ESRRG: variants seen among roughly 807,000 people sequenced by gnomAD.
The protein encoded by ESRRG is estrogen-related receptor gamma.
ESRRG carries 13 observed loss-of-function variants against 44.0 expected under a neutral mutation model. That is an observed-to-expected ratio of 0.30 (90% confidence interval 0.19 to 0.47). The LOEUF (loss-of-function observed/expected upper bound fraction) is 0.47. Among genes scored for constraint, ESRRG ranks in the 20% least tolerant of loss-of-function variants. The probability of loss-of-function intolerance (pLI) is 1.00; values close to 1 mark genes in which losing one functional copy is unlikely to be tolerated. For missense variants in ESRRG, 395 were observed against 580.6 expected (o/e 0.68, Z 3.29); for synonymous variants, 215 against 214.6 (o/e 1.00, Z -0.02).
chr1:216,513,472 G>A (rs745568990), intron 6 of ESRRG, among the ~76,000 whole-genome samples: 7 of 152,044 alleles, frequency 4.6e-5, no homozygotes, highest in Non-Finnish European at 8.8e-5. Flanking sequence ...TTCCATGTCA[G>A]AGCTCTCCAT....
intron 1 of ESRRG, among the ~76,000 whole-genome samples, chr1:216,975,707 T>C (rs896272359): frequency 5.3e-5 from 8 of 152,204 alleles, no homozygotes; most frequent in Non-Finnish European, 1.0e-4. Flanking sequence ...ATAGGTAGTC[T>C]GGGATCTAAT....
At chr1:216,630,301 G>A (rs989764305) in intron 3 of ESRRG, among the ~76,000 whole-genome samples, 1 of 152,120 alleles carries the variant, frequency 6.6e-6, no homozygotes, top group Non-Finnish European at 1.5e-5. Context: ...CTATCAGCCT[G>A]AATTATTTTT....
At chr1:216,795,774 TG>T (rs2094456385) in intron 2 of ESRRG, among the ~76,000 whole-genome samples, 1 of 152,178 alleles carries the variant, frequency 6.6e-6, no homozygotes, top group Admixed American at 6.6e-5. Context: ...AGGAATCATC[TG>T]TAAAACAAGG....
intron 2 of ESRRG, among the ~76,000 whole-genome samples, chr1:216,911,568 G>T (rs975861208): frequency 6.6e-6 from 1 of 152,170 alleles, no homozygotes; most frequent in Admixed American, 6.5e-5. Context: ...GACACCCAGA[G>T]AGAATGCTAT....
Position 216,516,636 on chromosome 1 carries a change from T to TACACACACACACACACACACACACAC in ESRRG, c.1132+2490_1132+2515dup, listed in dbSNP as rs779496209. Among the ~76,000 whole-genome samples, 111 of 130,426 alleles carry TACACACACACACACACACACACACAC rather than the reference T, an allele frequency of 8.5e-4. 1 individual carries two copies. Among genetic ancestry groups the TACACACACACACACACACACACACAC allele is most frequent in the East Asian group, 2.6e-3 (11 of 4,212 alleles). The allele number at this position is 130,426 out of a possible 152,430, so 85.6% of individuals were successfully genotyped here. ...TCTGGAATTCCTAAACACACACACA[T>TACACACACACACACACACACACACAC]ACACACACACACACACACACACACA... On this transcript the variant is annotated intron_variant, in intron 6 of 6. Transcript: ENST00000408911.
chr1:216,868,339 C>T (rs187823441), intron 2 of ESRRG, among the ~76,000 whole-genome samples: 88 of 152,152 alleles, frequency 5.8e-4, no homozygotes, highest in Admixed American at 4.4e-3. Context: ...CCACCCACCT[C>T]GGCCTCCCAA....
chr1:216,813,981 A>G (rs2095055678), intron 2 of ESRRG, among the ~76,000 whole-genome samples: 1 of 152,148 alleles, frequency 6.6e-6, no homozygotes, highest in South Asian at 2.1e-4. Context: ...CTAATTTGTC[A>G]TTTATTTTCC....
At chr1:216,702,232 T>C (rs2081504151) in intron 1 of ESRRG, among the ~76,000 whole-genome samples, 1 of 152,162 alleles carries the variant, frequency 6.6e-6, no homozygotes, top group Non-Finnish European at 1.5e-5. Context: ...ATGAAAACGC[T>C]GATCAAATAA....
intron 2 of ESRRG, among the ~76,000 whole-genome samples, chr1:216,731,759 G>A (rs1449592443): frequency 6.6e-6 from 1 of 152,196 alleles, no homozygotes. Context: ...CATGAGGCCT[G>A]TACTCAGGAC....
intron 2 of ESRRG, among the ~76,000 whole-genome samples, chr1:216,753,007 T>C (rs1371846192): frequency 6.6e-6 from 1 of 152,010 alleles, no homozygotes; most frequent in Admixed American, 6.6e-5. Context: ...AAAAGAAAGG[T>C]AGATGCAGAA....
chr1:217,094,873 C>T (rs1218193110), intron 1 of ESRRG, among the ~76,000 whole-genome samples: 1 of 152,222 alleles, frequency 6.6e-6, no homozygotes, highest in Non-Finnish European at 1.5e-5. Context: ...AGACCAAATT[C>T]ATTCAAACAT....
intron 2 of ESRRG, among the ~76,000 whole-genome samples, chr1:216,830,031 ACACACACACATG>A (rs942741564): frequency 2.0e-5 from 3 of 151,992 alleles, no homozygotes; most frequent in African/African-American, 7.2e-5. Flanking sequence ...GACAGCACAG[ACACACACACATG>A]CACACACACA....
intron 1 of ESRRG, among the ~76,000 whole-genome samples, chr1:217,056,627 C>T (rs1030394446): frequency 6.6e-6 from 1 of 151,402 alleles, no homozygotes; most frequent in Non-Finnish European, 1.5e-5. Context: ...ACACAATTTA[C>T]AATACTATGA....
At chr1:217,078,215 A>T (rs2151497935) in intron 1 of ESRRG, 1 of 152,326 alleles carries the variant, frequency 6.6e-6, no homozygotes, top group South Asian at 2.1e-4. Flanking sequence ...TGCAGCAGGG[A>T]GCCTGGCTCG....
chr1:216,669,723 T>C (rs970902183), intron 2 of ESRRG, among the ~76,000 whole-genome samples: 2 of 152,068 alleles, frequency 1.3e-5, no homozygotes, highest in South Asian at 2.1e-4. Context: ...CTGTCTCTAC[T>C]AAAAATACAA....
At chr1:216,530,337 C>T (rs1159375907) in intron 5 of ESRRG, among the ~76,000 whole-genome samples, 1 of 134,402 alleles carries the variant, frequency 7.4e-6, no homozygotes, top group Non-Finnish European at 1.6e-5. Flanking sequence ...TATCTATCTT[C>T]ACTGATGTAG....
At chr1:216,661,013 T>G (rs1230361754) in intron 2 of ESRRG, among the ~76,000 whole-genome samples, 1 of 152,118 alleles carries the variant, frequency 6.6e-6, no homozygotes, top group Non-Finnish European at 1.5e-5. Flanking sequence ...TGAAATACAT[T>G]TAAAAAGGAC....
chr1:216,879,118 G>C (rs927815392), intron 2 of ESRRG, among the ~76,000 whole-genome samples: 3 of 152,176 alleles, frequency 2.0e-5, no homozygotes, highest in African/African-American at 4.8e-5. Flanking sequence ...AGGCAAATAG[G>C]TGAACATATA....
chr1:216,810,702 A>ATG (rs35354364), intron 2 of ESRRG, among the ~76,000 whole-genome samples: 3,565 of 145,402 alleles, frequency 0.025, 113 homozygotes, highest in East Asian at 0.11. Context: ...ACAAAAATGG[A>ATG]TGTGTGTGTG....
Sources: allele counts gnomAD v4.1 joint callset (sites outside exome capture counted in the v4.1 genomes callset), GRCh38; gene constraint gnomAD v4.1.1; transcripts MANE v1.5; gene names NCBI Gene and HGNC (gene_info 2026-07-23, HGNC 2026-07-21).